AP1B1: variants seen among roughly 807,000 people sequenced by gnomAD.
The protein encoded by AP1B1 is AP-1 complex subunit beta-1.
A neutral mutation model predicts 104.3 loss-of-function variants in AP1B1; 36 were observed. The observed-to-expected ratio is 0.35, with a 90% CI of 0.26 to 0.46. The LOEUF is 0.46. Among genes scored for constraint, AP1B1 ranks in the 20% least tolerant of loss-of-function variants. The pLI is 1.00. For missense variants in AP1B1, 901 were observed against 1,247.9 expected, an observed-to-expected ratio of 0.72 and a Z score of 4.19; for synonymous variants, 504 against 517.5, an observed-to-expected ratio of 0.97 and a Z score of 0.35.
At chr22:29,339,187 G>C (rs573091561) in intron 15 of AP1B1, 54 bp from the exon 16 acceptor site, 3 of 1,609,150 alleles carry the variant, frequency 1.9e-6, no homozygotes, top group East Asian at 2.2e-5. Flanking sequence ...AAGACATCAG[G>C]GTCTGGGAAT....
chr22:29,377,221 G>T (rs1452747643), intron 1 of AP1B1, among the ~76,000 whole-genome samples: 4 of 134,154 alleles, frequency 3.0e-5, no homozygotes, highest in Admixed American at 3.0e-4. Context: ...AAAAAAAAAA[G>T]GAAAAAGGTC....
chr22:29,340,849 C>A lies in AP1B1; in HGVS notation c.1805G>T (p.Ser602Ile). The change falls in exon 14 of 23, where the codon AGC becomes ATC. Residue 602 changes from serine (S) to isoleucine (I), a missense_variant. By Grantham distance (142) the Ser-to-Ile change is moderately radical (BLOSUM62 -2). Transcript: ENST00000357586. ...SLPPRTASSE[S>I]AESPETAPTG... ...AGGGGCTGTCTCAGGGCTCTCTGCGCTCTCACTCCTGCCGGGACACAGAAG... is the reference window on the plus strand; with the variant it reads ...AGGGGCTGTCTCAGGGCTCTCTGCGATCTCACTCCTGCCGGGACACAGAAG... The A allele has an allele frequency of 6.3e-7, 1 of 1,593,110 alleles. No individual in the cohort carries two copies. Among genetic ancestry groups the A allele is most frequent in the Middle Eastern group, 1.9e-4 (1 of 5,172 alleles).
At chr22:29,361,764 T>C (rs1449227858) in intron 3 of AP1B1, among the ~76,000 whole-genome samples, 2 of 151,190 alleles carry the variant, frequency 1.3e-5, no homozygotes, top group Non-Finnish European at 2.9e-5. Context: ...GCTGGGGTGA[T>C]CAGGGAAGGA....
chr22:29,373,503 T>C (rs1425265239), intron 1 of AP1B1, among the ~76,000 whole-genome samples: 3 of 152,058 alleles, frequency 2.0e-5, no homozygotes, highest in Non-Finnish European at 2.9e-5. Context: ...GGACTGAAAG[T>C]GGGCATGAAG....
chr22:29,331,650 TC>T, intron 18 of AP1B1, 117 bp from the exon 19 acceptor site: 1 of 1,577,298 alleles, frequency 6.3e-7, no homozygotes, highest in Non-Finnish European at 8.7e-7. Flanking sequence ...ACACACCCCT[TC>T]GTTCCCCAAC....
chr22:29,376,960 C>T (rs1003206883), intron 1 of AP1B1, among the ~76,000 whole-genome samples: 8 of 152,052 alleles, frequency 5.3e-5, no homozygotes, highest in African/African-American at 1.9e-4. Context: ...CTTTGGGAGG[C>T]CGAGGTGGGA....
chr22:29,330,625 G>T lies in AP1B1; in HGVS notation c.2609C>A (p.Ala870Glu). The change falls in exon 20 of 23, where the codon GCA becomes GAA. Residue 870 changes from alanine to glutamate, a missense_variant and splice_region_variant. By Grantham distance (107) the Ala-to-Glu change is moderately radical (BLOSUM62 -1). Coordinates refer to ENST00000357586, the MANE Select transcript of AP1B1 (RefSeq NM_001127.4). ...GGTCGGGGGCTCGGAGTCCTCACCT[G>T]CATTGAGGGGGCAGTCTCTGATCTG... ...QFQIRDCPLN[A>E]EAASSKLQSS... is the part of the protein sequence containing the mutation. The T allele has an allele frequency of 6.2e-7, 1 of 1,613,718 alleles. No homozygotes were observed. The highest frequency in any genetic ancestry group is 2.2e-5 in the East Asian group (1 of 44,888).
intron 17 of AP1B1, 124 bp from the exon 18 acceptor site, chr22:29,332,040 C>G (rs985059121): frequency 1.9e-6 from 2 of 1,035,520 alleles, no homozygotes; most frequent in Non-Finnish European, 2.8e-6. Flanking sequence ...TGCCAGCCTT[C>G]CCATGTTCTG....
chr22:29,331,323 A>G, intron 19 of AP1B1, 126 bp downstream of exon 19: 2 of 948,844 alleles, frequency 2.1e-6, no homozygotes, highest in African/African-American at 1.6e-5. Flanking sequence ...GCAGGGAAGC[A>G]GCAACTCCCC....
chr22:29,384,469 T>TATTCATTC (rs1451659963), intron 1 of AP1B1, among the ~76,000 whole-genome samples: 1 of 152,190 alleles, frequency 6.6e-6, no homozygotes, highest in Non-Finnish European at 1.5e-5. Flanking sequence ...TTCAATGCAA[T>TATTCATTC]ATTCATTCAT....
At chr22:29,349,091 A>T in intron 11 of AP1B1, 127 bp downstream of exon 11, 1 of 1,109,888 alleles carries the variant, frequency 9.0e-7, no homozygotes, top group South Asian at 1.5e-5. Context: ...CATTACGCGC[A>T]CATCACTCAT....
At chr22:29,365,241 T>G (rs1418328711) in intron 2 of AP1B1, among the ~76,000 whole-genome samples, 2 of 152,200 alleles carry the variant, frequency 1.3e-5, no homozygotes, top group African/African-American at 2.4e-5. Context: ...ATACCCACTT[T>G]GCTTTCCTAA....
At chr22:29,351,902 G>T in intron 7 of AP1B1, 77 bp from the exon 8 acceptor site, 3 of 1,567,972 alleles carry the variant, frequency 1.9e-6, no homozygotes, top group East Asian at 2.2e-5. Flanking sequence ...CACATTTGCT[G>T]GGACATTTCT....
At chr22:29,376,441 C>T (rs776591745) in intron 1 of AP1B1, among the ~76,000 whole-genome samples, 4 of 152,264 alleles carry the variant, frequency 2.6e-5, no homozygotes, top group Middle Eastern at 6.8e-3. Flanking sequence ...GGGAAAGAGA[C>T]ATTTCACAAG....
intron 4 of AP1B1, 60 bp downstream of exon 4, chr22:29,359,764 C>T (rs2062014870): frequency 5.1e-6 from 8 of 1,563,432 alleles, no homozygotes; most frequent in African/African-American, 1.4e-5. Context: ...CCCAAAGAGA[C>T]TGAGGGGAGA....
chr22:29,327,698 T>G lies in AP1B1; in HGVS notation c.*1123A>C, dbSNP rs1425661628. ...GACACACTTGATGTCATCATTTTTA[T>G]TCATTTTCTCTTTCTGAAAATAAGA... On this transcript the variant is annotated 3_prime_UTR_variant, in exon 23 of 23. Coordinates refer to ENST00000357586, the MANE Select transcript of AP1B1 (RefSeq NM_001127.4). 5 of 152,194 alleles carry G rather than the reference T, an allele frequency of 3.3e-5. No homozygotes were observed. Among genetic ancestry groups the G allele is most frequent in the Non-Finnish European group, 7.3e-5 (5 of 68,036 alleles). The allele number at this position is 152,194 out of a possible 1,614,324, so 9.4% of individuals were successfully genotyped here.
chr22:29,387,305 C>CTT lies in AP1B1; in HGVS notation c.-28+1117_-28+1118dup, dbSNP rs1014176421. 1.3e-3 allele frequency among the ~76,000 whole-genome samples: 167 copies of CTT among 128,034 alleles called. 2 individuals carry two copies. Among genetic ancestry groups the CTT allele is most frequent in the Non-Finnish European group, 1.7e-3 (104 of 60,002 alleles). 84.0% of individuals were successfully genotyped at this position (128,034 alleles called of 152,430 possible). On this transcript the variant is annotated intron_variant, in intron 1 of 22. Transcript: ENST00000357586. The stretch of plus-strand genomic sequence containing the variant: ...AATAAATACAACGGCAGCTAAAAAT[C>CTT]TTTTTTTTTTTTTTTTTTTTGAGAC...
intron 6 of AP1B1, 46 bp from the exon 7 acceptor site, chr22:29,354,917 A>G: frequency 6.5e-7 from 1 of 1,549,350 alleles, no homozygotes; most frequent in Non-Finnish European, 8.9e-7. Context: ...AGACAAGGGG[A>G]AACATTCTGT....
intron 11 of AP1B1, among the ~76,000 whole-genome samples, chr22:29,346,322 C>T (rs192747426): frequency 3.3e-4 from 50 of 152,186 alleles, no homozygotes; most frequent in African/African-American, 1.2e-3. Flanking sequence ...CAGAAGCACA[C>T]CCCTACAGCA....
Sources: gnomAD v4.1 joint callset for allele counts (sites outside exome capture counted in the v4.1 genomes callset) on GRCh38, gnomAD v4.1.1 for gene constraint, MANE v1.5 for transcripts, NCBI Gene and HGNC (gene_info 2026-07-23, HGNC 2026-07-21) for gene names.